Variants in HOOK3 observed in about 807,000 individuals in gnomAD.
The protein encoded by HOOK3 is protein Hook homolog 3.
HOOK3 carries 24 observed loss-of-function variants against 116.3 expected under a neutral mutation model. The observed-to-expected ratio is 0.21, with a 90% CI of 0.15 to 0.29. HOOK3 has a LOEUF of 0.29. Among genes scored for constraint, HOOK3 ranks in the 10% least tolerant of loss-of-function variants. The pLI, the probability that HOOK3 is intolerant of heterozygous loss-of-function variation, is 1.00. For synonymous variants in HOOK3, 275 were observed against 283.0 expected (o/e 0.97, Z 0.28); for missense variants, 632 against 830.2 (o/e 0.76, Z 2.93).
intron 19 of HOOK3, among the ~76,000 whole-genome samples, chr8:43,012,151 CAT>C (rs1414249166): frequency 2.6e-5 from 4 of 152,228 alleles, no homozygotes; most frequent in African/African-American, 9.6e-5. Context: ...TGTACAGACA[CAT>C]GTCATTTAAT....
At position 42,913,462 on chromosome 8, in the gene HOOK3, A is replaced by G. The variant is rs150921509; in HGVS notation, c.143+7204A>G. Among the ~76,000 whole-genome samples, 969 of 152,324 alleles carry G rather than the reference A, an allele frequency of 6.4e-3. 18 individuals are homozygous for G. Among genetic ancestry groups the G allele is most frequent in the African/African-American group, 0.022 (929 of 41,574 alleles). ...CATTCATGTTGTTATCTGTATTAATACTTCGTACATTTCCCATTGTATGGA... is the reference window on the plus strand; with the variant it reads ...CATTCATGTTGTTATCTGTATTAATGCTTCGTACATTTCCCATTGTATGGA... On this transcript the variant is annotated intron_variant, in intron 2 of 21. Transcript: ENST00000307602.
intron 2 of HOOK3, among the ~76,000 whole-genome samples, chr8:42,919,764 A>AT (rs1212461144): frequency 1.1e-4 from 17 of 152,270 alleles, no homozygotes; most frequent in African/African-American, 4.1e-4. Context: ...AACACGGTGA[A>AT]ACCCTGTCTC....
intron 17 of HOOK3, among the ~76,000 whole-genome samples, chr8:43,005,221 T>TGTTTTG (rs1563312510): frequency 7.4e-6 from 1 of 135,310 alleles, no homozygotes; most frequent in African/African-American, 2.9e-5. Flanking sequence ...ATAATTTTTT[T>TGTTTTG]TTTTTTTTTT....
chr8:43,014,179 G>A (rs1465589361), intron 21 of HOOK3, among the ~76,000 whole-genome samples: 2 of 151,252 alleles, frequency 1.3e-5, no homozygotes, highest in East Asian at 4.0e-4. Flanking sequence ...CCAGCTACTT[G>A]GGAGGCTGAG....
At chr8:42,940,092 A>G (rs1310378017) in intron 4 of HOOK3, among the ~76,000 whole-genome samples, 5 of 152,186 alleles carry the variant, frequency 3.3e-5, no homozygotes, top group Non-Finnish European at 7.4e-5. Context: ...GCGGCCGGGC[A>G]GAGGCTGCAA....
intron 14 of HOOK3, among the ~76,000 whole-genome samples, chr8:42,984,496 T>A (rs964460294): frequency 6.6e-6 from 1 of 152,244 alleles, no homozygotes; most frequent in African/African-American, 2.4e-5. Context: ...CAATAAGATT[T>A]GTTGAATAAA....
chr8:42,962,786 A>ACTT (rs202234206), intron 8 of HOOK3, among the ~76,000 whole-genome samples: 1,635 of 134,236 alleles, frequency 0.012, 85 homozygotes, highest in Middle Eastern at 0.024. Context: ...TTTTGGTCTG[A>ACTT]CTTCTTCTTC....
chr8:42,941,720 G>A (rs2130383597), intron 4 of HOOK3, among the ~76,000 whole-genome samples: 1 of 151,976 alleles, frequency 6.6e-6, no homozygotes, highest in South Asian at 2.1e-4. Flanking sequence ...AACTTATGAG[G>A]ACCTAAGTGA....
chr8:42,958,745 C>T (rs570656091), intron 7 of HOOK3, among the ~76,000 whole-genome samples: 2 of 151,974 alleles, frequency 1.3e-5, no homozygotes, highest in South Asian at 4.2e-4. Context: ...GGTATTTGTC[C>T]TAATGCTATC....
At chr8:43,009,396 A>T (rs891563098) in intron 18 of HOOK3, among the ~76,000 whole-genome samples, 4 of 152,090 alleles carry the variant, frequency 2.6e-5, no homozygotes, top group African/African-American at 9.7e-5. Context: ...TCTCCAAAAA[A>T]AAAAAGAAAG....
Position 42,929,981 on chromosome 8 carries a change from C to A in HOOK3, c.217-141C>A, listed in dbSNP as rs1807843621. The A allele has an allele frequency of 5.5e-6, 4 of 722,724 alleles. No homozygotes were observed. The South Asian group carries it at 5.8e-5, about 11-fold the overall frequency. The allele number at this position is 722,724 out of a possible 1,614,324, so 44.8% of individuals were successfully genotyped here. The stretch of plus-strand genomic sequence containing the variant: ...GTACTTTTTGATGATGATGATAATT[C>A]AAATATGCTTTTGAATTTTATTTGT... On this transcript the variant is annotated intron_variant, in intron 3 of 21. Coordinates refer to ENST00000307602, the MANE Select transcript of HOOK3 (RefSeq NM_032410.4).
chr8:42,928,051 G>A (rs192740770), intron 3 of HOOK3, among the ~76,000 whole-genome samples: 123 of 152,300 alleles, frequency 8.1e-4, no homozygotes, highest in African/African-American at 2.7e-3. Context: ...GGGAGGGTGA[G>A]GTGGGTGGAT....
At chr8:42,958,899 T>C (rs749344292) in intron 7 of HOOK3, among the ~76,000 whole-genome samples, 1 of 152,120 alleles carries the variant, frequency 6.6e-6, no homozygotes, top group Non-Finnish European at 1.5e-5. Flanking sequence ...CCCTAGCACA[T>C]ACATATTTTA....
At chr8:43,005,847 C>A (rs904045153) in intron 17 of HOOK3, among the ~76,000 whole-genome samples, 2 of 150,904 alleles carry the variant, frequency 1.3e-5, no homozygotes, top group East Asian at 3.9e-4. Flanking sequence ...AGGCCCCCCC[C>A]CACCACACCC....
intron 19 of HOOK3, among the ~76,000 whole-genome samples, chr8:43,011,650 G>A (rs1309017804): frequency 2.0e-5 from 3 of 152,140 alleles, no homozygotes; most frequent in African/African-American, 4.8e-5. Flanking sequence ...AAGGCTGGAG[G>A]ATTGCTTTAG....
At chr8:42,978,132 G>A (rs891980696) in intron 13 of HOOK3, among the ~76,000 whole-genome samples, 6 of 152,132 alleles carry the variant, frequency 3.9e-5, no homozygotes, top group African/African-American at 1.2e-4. Flanking sequence ...AAAGCACTCC[G>A]CAATATGTAA....
intron 2 of HOOK3, 138 bp from the exon 3 acceptor site, chr8:42,925,419 A>G: frequency 3.3e-6 from 2 of 603,154 alleles, no homozygotes; most frequent in Non-Finnish European, 5.8e-6. Context: ...TAGTAACACG[A>G]AAGTTATTTC....
chr8:42,963,449 C>CT (rs1214825025), intron 8 of HOOK3, among the ~76,000 whole-genome samples: 1 of 152,204 alleles, frequency 6.6e-6, no homozygotes, highest in East Asian at 1.9e-4. Context: ...CAGTTTTCTT[C>CT]TATTACAAAT....
intron 4 of HOOK3, among the ~76,000 whole-genome samples, chr8:42,942,557 T>C (rs1808148780): frequency 6.6e-6 from 1 of 152,258 alleles, no homozygotes. Flanking sequence ...ACCACCTGTA[T>C]GTCATCTAGT....
Sources: gnomAD v4.1 joint callset for allele counts (sites outside exome capture counted in the v4.1 genomes callset) on GRCh38, gnomAD v4.1.1 for gene constraint, MANE v1.5 for transcripts, NCBI Gene and HGNC (gene_info 2026-07-23, HGNC 2026-07-21) for gene names.